The following ALOX5 variants were observed in gnomAD, a reference collection of about 807,000 sequenced individuals.
The protein encoded by ALOX5 is polyunsaturated fatty acid 5-lipoxygenase.
Under a neutral mutation model 87.9 loss-of-function variants are expected in ALOX5, and 64 were observed. The ratio of observed to expected loss-of-function variants is 0.73; its 90% CI spans 0.60 to 0.90. The LOEUF is 0.90. Among genes scored for constraint, ALOX5 ranks in the 40% least tolerant of loss-of-function variants. The pLI is 0.00. For missense variants in ALOX5, 822 were observed against 907.5 expected (o/e 0.91, Z 1.21); for synonymous variants, 388 against 355.1 (o/e 1.09, Z -1.04).
intron 9 of ALOX5, chr10:45,442,716 C>A: frequency 2.8e-6 from 1 of 353,530 alleles, no homozygotes; most frequent in Non-Finnish European, 5.1e-6. Flanking sequence ...CAGCCCAGGC[C>A]CGCTGGTGCT....
chr10:45,377,765 C>T (rs995766812), intron 1 of ALOX5, among the ~76,000 whole-genome samples: 1 of 152,212 alleles, frequency 6.6e-6, no homozygotes, highest in African/African-American at 2.4e-5. Context: ...AGATCCGTCT[C>T]CCTGTCCCAG....
chr10:45,444,426 G>A, intron 13 of ALOX5, 140 bp downstream of exon 13: 1 of 1,209,656 alleles, frequency 8.3e-7, no homozygotes, highest in Non-Finnish European at 1.1e-6. Context: ...GGGCCCAGAA[G>A]GCTGCAGCCG....
chr10:45,421,285 A>G (rs1185433713), intron 4 of ALOX5, among the ~76,000 whole-genome samples: 3 of 152,220 alleles, frequency 2.0e-5, no homozygotes, highest in Admixed American at 6.5e-5. Context: ...TTTTCAGAGT[A>G]AACCTCCTGT....
intron 1 of ALOX5, among the ~76,000 whole-genome samples, chr10:45,379,760 G>GCAA (rs1839763526): frequency 6.6e-6 from 1 of 152,168 alleles, no homozygotes. Flanking sequence ...CTGCAAGTGA[G>GCAA]GGGTATCTCC....
intron 9 of ALOX5, 171 bp from the exon 10 acceptor site, chr10:45,442,867 G>T: frequency 1.5e-6 from 1 of 675,898 alleles, no homozygotes; most frequent in Non-Finnish European, 2.4e-6. Context: ...CTCTCCACCC[G>T]GCTGCCCTTG....
chr10:45,381,766 G>A (rs1473826341), intron 1 of ALOX5, among the ~76,000 whole-genome samples: 1 of 152,250 alleles, frequency 6.6e-6, no homozygotes, highest in East Asian at 1.9e-4. Context: ...CTCTCCTCAA[G>A]GGCAGGGCCC....
chr10:45,428,559 G>A, intron 6 of ALOX5, 59 bp from the exon 7 acceptor site: 2 of 1,603,336 alleles, frequency 1.2e-6, no homozygotes, highest in Non-Finnish European at 1.7e-6. Context: ...CTTTCCCCAG[G>A]CCTGATTTTT....
intron 1 of ALOX5, among the ~76,000 whole-genome samples, chr10:45,376,138 G>T (rs576749094): frequency 1.3e-5 from 2 of 152,106 alleles, no homozygotes; most frequent in Non-Finnish European, 2.9e-5. Context: ...TGGCCATAGC[G>T]GGCTCTTCGG....
chr10:45,378,911 T>A (rs1839728195), intron 1 of ALOX5, among the ~76,000 whole-genome samples: 1 of 151,752 alleles, frequency 6.6e-6, no homozygotes, highest in Admixed American at 6.5e-5. Context: ...GCAGATGGAG[T>A]CCTTGTAAAT....
At chr10:45,437,850 T>C (rs1842104393) in intron 7 of ALOX5, among the ~76,000 whole-genome samples, 1 of 152,236 alleles carries the variant, frequency 6.6e-6, no homozygotes, top group Non-Finnish European at 1.5e-5. Flanking sequence ...AAATTGCTTC[T>C]CTCCATTATT....
Position 45,374,217 on chromosome 10 carries a change from G to A in ALOX5, c.-63G>A. 1.4e-6 allele frequency: 2 copies of A among 1,405,436 alleles called. No individual in the cohort carries two copies. Among genetic ancestry groups the A allele is most frequent in the Admixed American group, 3.2e-5 (1 of 31,154 alleles). The allele number at this position is 1,405,436 out of a possible 1,614,324, so 87.1% of individuals were successfully genotyped here. A position where few individuals can be genotyped will look rare whatever the true frequency, so the allele number is the denominator to read the frequency against. On this transcript the variant is annotated 5_prime_UTR_variant, in exon 1 of 14. Transcript: ENST00000374391. ...GTGGTGGGAGGAGGCTGCGGCGCTA[G>A]ATGCGGACACCTGGACCGCCGCGCC... is the stretch of plus-strand genomic sequence containing the variant.
At chr10:45,438,780 A>G (rs1379528349) in intron 7 of ALOX5, among the ~76,000 whole-genome samples, 7 of 152,216 alleles carry the variant, frequency 4.6e-5, no homozygotes, top group African/African-American at 9.6e-5. Flanking sequence ...AGGTCATTCA[A>G]ATTTTTATGT....
intron 7 of ALOX5, among the ~76,000 whole-genome samples, chr10:45,440,200 G>A (rs569008598): frequency 1.6e-4 from 25 of 152,288 alleles, no homozygotes; most frequent in Middle Eastern, 3.4e-3. Flanking sequence ...TGCTGAAGCC[G>A]GAGCTTAGAA....
intron 8 of ALOX5, 119 bp downstream of exon 8, chr10:45,440,752 T>A: frequency 9.1e-7 from 1 of 1,104,714 alleles, no homozygotes; most frequent in Non-Finnish European, 1.3e-6. Context: ...AAGGGAGCCC[T>A]GGAGAGATGT....
chr10:45,374,772 C>G (rs989146600), intron 1 of ALOX5, among the ~76,000 whole-genome samples: 17 of 152,188 alleles, frequency 1.1e-4, no homozygotes, highest in African/African-American at 3.9e-4. Context: ...TCCGAGGCTC[C>G]GGAGCCCCCT....
At chr10:45,398,254 C>A (rs1840583111) in intron 3 of ALOX5, among the ~76,000 whole-genome samples, 1 of 152,176 alleles carries the variant, frequency 6.6e-6, no homozygotes, top group Admixed American at 6.5e-5. Flanking sequence ...AAAGAATAGT[C>A]TTTTCAACAA....
At chr10:45,396,035 C>G (rs1281635853) in intron 3 of ALOX5, 99 bp downstream of exon 3, 2 of 1,286,602 alleles carry the variant, frequency 1.6e-6, no homozygotes, top group Non-Finnish European at 2.2e-6. Flanking sequence ...TATGGCCTGT[C>G]ACTGCTGGAA....
intron 3 of ALOX5, among the ~76,000 whole-genome samples, chr10:45,398,366 C>T (rs1840586239): frequency 6.6e-6 from 1 of 152,122 alleles, no homozygotes; most frequent in South Asian, 2.1e-4. Flanking sequence ...AAATACCTAC[C>T]TAAATGTAAG....
intron 4 of ALOX5, among the ~76,000 whole-genome samples, chr10:45,418,149 G>T (rs1282311820): frequency 6.6e-6 from 1 of 152,208 alleles, no homozygotes; most frequent in Non-Finnish European, 1.5e-5. Flanking sequence ...CACAGTGGAT[G>T]GAGACCCTTG....
Sources: gnomAD v4.1 joint callset for allele counts (sites outside exome capture counted in the v4.1 genomes callset) on GRCh38, gnomAD v4.1.1 for gene constraint, MANE v1.5 for transcripts, NCBI Gene and HGNC (gene_info 2026-07-23, HGNC 2026-07-21) for gene names.